IL1RAPL2: variants seen among roughly 807,000 people sequenced by gnomAD.
IL1RAPL2 encodes the protein interleukin 1 receptor accessory protein like 2, also known as X-linked interleukin-1 receptor accessory protein-like 2.
A neutral mutation model predicts 44.1 loss-of-function variants in IL1RAPL2; 3 were observed. The ratio of observed to expected loss-of-function variants is 0.07; its 90% CI spans 0.03 to 0.18. IL1RAPL2 has a LOEUF of 0.18. Among genes scored for constraint, IL1RAPL2 ranks in the 10% least tolerant of loss-of-function variants. IL1RAPL2 has a pLI of 1.00. For missense variants in IL1RAPL2, 391 were observed against 496.4 expected (o/e 0.79, Z 2.02); for synonymous variants, 181 against 178.8 (o/e 1.01, Z -0.10).
At chrX:105,050,874 G>A (rs2031911562) in intron 2 of IL1RAPL2, among the ~76,000 whole-genome samples, 1 of 112,539 alleles carries the variant, frequency 8.9e-6, no homozygotes, top group South Asian at 3.6e-4. Flanking sequence ...CATCTCTGCA[G>A]GTCTCTGAAG....
Position 105,687,616 on chromosome X carries a change from C to A in IL1RAPL2, c.773-29751C>A, listed in dbSNP as rs183631906. Among the ~76,000 whole-genome samples, 117 of 111,268 alleles carry A rather than the reference C, an allele frequency of 1.1e-3. 2 individuals carry two copies. Among genetic ancestry groups the A allele is most frequent in the African/African-American group, 3.3e-3 (101 of 30,601 alleles). On this transcript the variant is annotated intron_variant, in intron 6 of 10. Coordinates refer to ENST00000372582, the MANE Select transcript of IL1RAPL2 (RefSeq NM_017416.2). ...CAACCAAAAAAAGTCCAGGACCAGA[C>A]GGATTCACAGCCAAATACTACCAGA...
In IL1RAPL2 at chrX:104,649,618, C is replaced by CAT. The variant is rs1267131075; in HGVS notation, c.-19-9269_-19-9268dup. Among the ~76,000 whole-genome samples the CAT allele has an allele frequency of 7.2e-5, 8 of 111,479 alleles. No homozygotes were observed. The East Asian group carries it at 1.4e-3, about 20-fold the overall frequency. ...ATGTATGTACGTGTCTGATTTTATACATATATATACATATATGAAAACCTT... is the reference window on the plus strand; with the variant it reads ...ATGTATGTACGTGTCTGATTTTATACATATATATATACATATATGAAAACCTT... On this transcript the variant is annotated intron_variant, in intron 1 of 10. Transcript: ENST00000372582.
At chrX:105,384,017 A>G (rs2035457299) in intron 5 of IL1RAPL2, among the ~76,000 whole-genome samples, 1 of 111,470 alleles carries the variant, frequency 9.0e-6, no homozygotes, top group African/African-American at 3.3e-5. Flanking sequence ...ATTAATTCCT[A>G]TTCAGTTGAA....
At chrX:104,727,199 G>A (rs1931813476) in intron 2 of IL1RAPL2, among the ~76,000 whole-genome samples, 1 of 110,715 alleles carries the variant, frequency 9.0e-6, no homozygotes, top group African/African-American at 3.3e-5. Flanking sequence ...ATCTGACAAA[G>A]GACTAATATC....
intron 6 of IL1RAPL2, among the ~76,000 whole-genome samples, chrX:105,573,319 A>G (rs2147811336): frequency 9.0e-6 from 1 of 111,469 alleles, no homozygotes; most frequent in Admixed American, 9.5e-5. Flanking sequence ...TCAGCCTCCC[A>G]AAGTGCTGGG....
chrX:105,110,253 T>C (rs1422630844), intron 2 of IL1RAPL2, among the ~76,000 whole-genome samples: 1 of 112,192 alleles, frequency 8.9e-6, no homozygotes. Context: ...TTTCTGTTAG[T>C]AAGGAAGAAA....
chrX:104,709,066 G>A (rs887276480), intron 2 of IL1RAPL2, among the ~76,000 whole-genome samples: 8 of 111,036 alleles, frequency 7.2e-5, no homozygotes, highest in South Asian at 3.8e-4. Flanking sequence ...TCTATATAGC[G>A]CAGTGCTTAA....
intron 2 of IL1RAPL2, among the ~76,000 whole-genome samples, chrX:105,033,740 C>T (rs918837910): frequency 9.0e-6 from 1 of 110,939 alleles, no homozygotes; most frequent in African/African-American, 3.3e-5. Flanking sequence ...TTGTGGCGTT[C>T]TCTGTATTTC....
At chrX:105,415,980 T>G (rs1053366457) in intron 5 of IL1RAPL2, among the ~76,000 whole-genome samples, 7 of 111,838 alleles carry the variant, frequency 6.3e-5, no homozygotes, top group African/African-American at 2.3e-4. Flanking sequence ...AAAAATGCCT[T>G]AATGTGATAT....
At chrX:105,046,810 T>C (rs1202765830) in intron 2 of IL1RAPL2, among the ~76,000 whole-genome samples, 3 of 82,288 alleles carry the variant, frequency 3.6e-5, no homozygotes, top group African/African-American at 1.4e-4. Flanking sequence ...TTTACCTACA[T>C]AAGCACTAAC....
rs188716098 is a variant in IL1RAPL2 at position 104,764,296 on chromosome X, T to C, written c.82+105301T>C. Among the ~76,000 whole-genome samples the C allele has an allele frequency of 5.9e-3, 658 of 111,625 alleles. 2 individuals are homozygous for C. The highest frequency in any genetic ancestry group is 9.2e-3 in the Non-Finnish European group (491 of 53,098). ...TTTACTTCTTTGGTTAATTTCTAGGTATTTAATTTTATGTGTGGTTATTGT... is the reference window on the plus strand; with the variant it reads ...TTTACTTCTTTGGTTAATTTCTAGGCATTTAATTTTATGTGTGGTTATTGT... On this transcript the variant is annotated intron_variant, in intron 2 of 10. Coordinates refer to ENST00000372582, the MANE Select transcript of IL1RAPL2 (RefSeq NM_017416.2).
At chrX:104,729,447 C>CTTTTTTTTTTTT (rs5903245) in intron 2 of IL1RAPL2, among the ~76,000 whole-genome samples, 2 of 46,481 alleles carry the variant, frequency 4.3e-5, no homozygotes, top group Admixed American at 3.3e-4. Flanking sequence ...GGCCTGCTGC[C>CTTTTTTTTTTTT]TTTTTTTTTT....
At chrX:104,830,598 C>T (rs973625661) in intron 2 of IL1RAPL2, among the ~76,000 whole-genome samples, 4 of 111,600 alleles carry the variant, frequency 3.6e-5, no homozygotes, top group Admixed American at 1.9e-4. Context: ...TCAGTTTTGT[C>T]CATGTTGTTA....
At chrX:104,902,378 A>C (rs1273345655) in intron 2 of IL1RAPL2, among the ~76,000 whole-genome samples, 1 of 112,126 alleles carries the variant, frequency 8.9e-6, no homozygotes, top group Non-Finnish European at 1.9e-5. Context: ...TCCAAATTAC[A>C]TCAACCGAAA....
chrX:105,078,729 A>AT (rs2032352881), intron 2 of IL1RAPL2, among the ~76,000 whole-genome samples: 1 of 288 alleles, frequency 3.5e-3, no homozygotes, highest in African/African-American at 0.015. Context: ...AGCCTGAGCA[A>AT]TGCGGTCGCC....
chrX:105,540,820 A>G (rs1424907762), intron 6 of IL1RAPL2, among the ~76,000 whole-genome samples: 2 of 99,124 alleles, frequency 2.0e-5, no homozygotes, highest in African/African-American at 7.6e-5. Flanking sequence ...TAATATATAC[A>G]TATATTATAT....
chrX:105,578,556 A>T (rs940614533), intron 6 of IL1RAPL2, among the ~76,000 whole-genome samples: 14 of 111,234 alleles, frequency 1.3e-4, no homozygotes, highest in African/African-American at 4.6e-4. Flanking sequence ...AGACAGAGAA[A>T]CCAAGAAAAC....
Position 105,141,963 on chromosome X carries a change from A to G in IL1RAPL2, c.83-53512A>G, listed in dbSNP as rs557638380. Among the ~76,000 whole-genome samples the G allele has an allele frequency of 3.6e-5, 4 of 112,379 alleles. No homozygotes were observed. In the East Asian group the frequency reaches 1.1e-3, roughly 31 times the overall value. The stretch of plus-strand genomic sequence containing the variant: ...CTGCATTTATTACACTGTCAAATGG[A>G]AACTCAAATACCAGCTCTTTGTTTT... On this transcript the variant is annotated intron_variant, in intron 2 of 10. Transcript: ENST00000372582.
chrX:104,776,398 G>A (rs770137419), intron 2 of IL1RAPL2, among the ~76,000 whole-genome samples: 2 of 112,098 alleles, frequency 1.8e-5, no homozygotes, highest in Non-Finnish European at 3.8e-5. Context: ...TGAAGACAAT[G>A]TTGCTCTCTT....
Sources: allele counts gnomAD v4.1 joint callset (sites outside exome capture counted in the v4.1 genomes callset), GRCh38; gene constraint gnomAD v4.1.1; transcripts MANE v1.5; gene names NCBI Gene and HGNC (gene_info 2026-07-23, HGNC 2026-07-21).